Variants in SLX9 observed in about 807,000 individuals in gnomAD.
The protein encoded by SLX9 is SLX9 ribosome biogenesis factor.
Under a neutral mutation model 20.8 loss-of-function variants are expected in SLX9, and 19 were observed. The ratio of observed to expected loss-of-function variants is 0.91; its 90% CI spans 0.64 to 1.34. The LOEUF (loss-of-function observed/expected upper bound fraction) is 1.34, where lower values mean the gene tolerates loss of function less well. SLX9 is among the 40% of genes most tolerant of loss of function. The probability of loss-of-function intolerance (pLI) is 0.00; values close to 1 mark genes in which losing one functional copy is unlikely to be tolerated. For synonymous variants in SLX9, 113 were observed against 137.1 expected (o/e 0.82, Z 1.23); for missense variants, 299 against 322.2 (o/e 0.93, Z 0.55).
chr21:44,972,344 T>C (rs2085166701), intron 4 of SLX9, among the ~76,000 whole-genome samples: 1 of 152,150 alleles, frequency 6.6e-6, no homozygotes, highest in Non-Finnish European at 1.5e-5. Flanking sequence ...TCCCGAAGAT[T>C]CCCACGGTTA....
At chr21:44,963,535 T>C (rs1021106798) in intron 3 of SLX9, among the ~76,000 whole-genome samples, 1 of 152,200 alleles carries the variant, frequency 6.6e-6, no homozygotes, top group Non-Finnish European at 1.5e-5. Flanking sequence ...CTAAAAACTT[T>C]ATAGTTTGAG....
chr21:44,975,964 C>T (rs374052353), intron 5 of SLX9, among the ~76,000 whole-genome samples: 17 of 152,376 alleles, frequency 1.1e-4, no homozygotes, highest in African/African-American at 2.4e-4. Context: ...TCCGTGCACA[C>T]GGGGCACACA....
chr21:44,949,607 G>A (rs867109339), intron 2 of SLX9, among the ~76,000 whole-genome samples: 10 of 152,156 alleles, frequency 6.6e-5, no homozygotes, highest in Admixed American at 2.6e-4. Flanking sequence ...ACCCACCGCC[G>A]CCATTGCTGC....
At chr21:44,966,728 T>C (rs1464009716) in intron 3 of SLX9, among the ~76,000 whole-genome samples, 1 of 152,236 alleles carries the variant, frequency 6.6e-6, no homozygotes, top group Non-Finnish European at 1.5e-5. Context: ...GGTGGCTGTG[T>C]GCACTCCCCT....
chr21:44,963,622 C>G (rs2084985047), intron 3 of SLX9, among the ~76,000 whole-genome samples: 1 of 151,812 alleles, frequency 6.6e-6, no homozygotes, highest in African/African-American at 2.4e-5. Flanking sequence ...TTTTTTCCCC[C>G]TAATATGGAT....
Position 44,976,805 on chromosome 21 carries a change from C to T in SLX9, c.*2C>T. The T allele has an allele frequency of 6.5e-7, 1 of 1,541,094 alleles. No individual in the cohort carries two copies. The highest frequency in any genetic ancestry group is 8.7e-7 in the Non-Finnish European group (1 of 1,148,124). ...CTGGAAGATGGCGGCCAGCTCTGAC[C>T]AGGGCAGCGGGCATGCCACAACTCC... On this transcript the variant is annotated 3_prime_UTR_variant, in exon 6 of 6. Coordinates refer to ENST00000291634, the MANE Select transcript of SLX9 (RefSeq NM_058190.4).
intron 3 of SLX9, among the ~76,000 whole-genome samples, chr21:44,966,378 G>A (rs373334920): frequency 2.6e-5 from 4 of 152,320 alleles, no homozygotes; most frequent in East Asian, 1.9e-4. Context: ...AGAGCAGGCC[G>A]TCCGCGCTCC....
chr21:44,965,670 C>T (rs113806187), intron 3 of SLX9, among the ~76,000 whole-genome samples: 32 of 152,322 alleles, frequency 2.1e-4, no homozygotes, highest in Non-Finnish European at 3.7e-4. Flanking sequence ...GAGAACCATC[C>T]TTGCATGCCT....
intron 2 of SLX9, among the ~76,000 whole-genome samples, chr21:44,944,545 A>G (rs2084609344): frequency 6.6e-6 from 1 of 152,240 alleles, no homozygotes; most frequent in African/African-American, 2.4e-5. Context: ...GTCACTTCCC[A>G]GGGATAAATC....
chr21:44,947,297 T>C (rs1261542568), intron 2 of SLX9, among the ~76,000 whole-genome samples: 1 of 152,356 alleles, frequency 6.6e-6, no homozygotes, highest in East Asian at 1.9e-4. Flanking sequence ...GGTGCCTGTC[T>C]GCCTGGCTTA....
At chr21:44,959,889 C>T (rs754869179) in intron 2 of SLX9, among the ~76,000 whole-genome samples, 2 of 152,164 alleles carry the variant, frequency 1.3e-5, no homozygotes, top group Non-Finnish European at 2.9e-5. Context: ...TGCGGGGGGA[C>T]GCTGCTGAGA....
chr21:44,951,384 A>T lies in SLX9; in HGVS notation c.283+7547A>T, dbSNP rs867159281. 1.4e-4 allele frequency among the ~76,000 whole-genome samples: 21 copies of T among 152,054 alleles called. 2 individuals are homozygous for T. Among genetic ancestry groups the T allele is most frequent in the Non-Finnish European group, 2.4e-4 (16 of 67,970 alleles). ...ACAGCCTGGGAGGAAGCAGGGGGAC[A>T]GGCTGTGGATGTGGCCCTTGCCGGT... is the stretch of plus-strand genomic sequence containing the variant. On this transcript the variant is annotated intron_variant, in intron 2 of 5. Coordinates refer to ENST00000291634, the MANE Select transcript of SLX9 (RefSeq NM_058190.4).
intron 4 of SLX9, among the ~76,000 whole-genome samples, chr21:44,968,517 C>G (rs553628894): frequency 6.6e-6 from 1 of 152,380 alleles, no homozygotes; most frequent in East Asian, 1.9e-4. Flanking sequence ...TGGCGCCCGT[C>G]TCCCAGGAGC....
intron 3 of SLX9, among the ~76,000 whole-genome samples, chr21:44,965,358 C>G (rs865912215): frequency 6.6e-6 from 1 of 151,972 alleles, no homozygotes; most frequent in Non-Finnish European, 1.5e-5. Context: ...GCCACTGCCT[C>G]GCTCCCTCCC....
chr21:44,974,377 G>A (rs764778691), intron 5 of SLX9, among the ~76,000 whole-genome samples: 1 of 152,148 alleles, frequency 6.6e-6, no homozygotes, highest in Non-Finnish European at 1.5e-5. Flanking sequence ...GTGTCGAATG[G>A]TAGCTCCAAA....
chr21:44,960,003 TG>T, intron 2 of SLX9, 96 bp from the exon 3 acceptor site: 1 of 1,035,042 alleles, frequency 9.7e-7, no homozygotes, highest in Non-Finnish European at 1.5e-6. Context: ...GCAGTGACTG[TG>T]GCAGCTCTGC....
chr21:44,964,012 A>G (rs771650028), intron 3 of SLX9, among the ~76,000 whole-genome samples: 30 of 152,254 alleles, frequency 2.0e-4, no homozygotes, highest in Admixed American at 1.9e-3. Context: ...CAGAATTACC[A>G]TCTTAGCAAA....
chr21:44,939,841 A>C, upstream of SLX9: 1 of 568,832 alleles, frequency 1.8e-6, no homozygotes, highest in East Asian at 3.2e-5. Context: ...GCTCCGCGCC[A>C]CCCGCGTCCT....
intron 3 of SLX9, among the ~76,000 whole-genome samples, chr21:44,965,494 C>A (rs1223819709): frequency 2.0e-5 from 3 of 152,234 alleles, no homozygotes; most frequent in Non-Finnish European, 4.4e-5. Context: ...GGGTTTCTAG[C>A]AGCTCATCTG....
Sources: gnomAD v4.1 joint callset for allele counts (sites outside exome capture counted in the v4.1 genomes callset) on GRCh38, gnomAD v4.1.1 for gene constraint, MANE v1.5 for transcripts, NCBI Gene and HGNC (gene_info 2026-07-23, HGNC 2026-07-21) for gene names.